The following SLC14A2 variants were observed in gnomAD, a reference collection of about 807,000 sequenced individuals.
SLC14A2 encodes urea transporter 2.
SLC14A2 carries 91 observed loss-of-function variants against 104.6 expected under a neutral mutation model. The observed-to-expected ratio is 0.87, with a 90% confidence interval of 0.73 to 1.04. SLC14A2 has a LOEUF of 1.04. SLC14A2 is among the 50% of genes least tolerant of loss of function. The pLI, the probability that SLC14A2 is intolerant of heterozygous loss-of-function variation, is 0.00. For missense variants in SLC14A2, 1,189 were observed against 1,156.0 expected (o/e 1.03, Z -0.41); for synonymous variants, 476 against 466.4 (o/e 1.02, Z -0.27).
At chr18:45,677,888 A>T (rs1382251728) in intron 18 of SLC14A2, among the ~76,000 whole-genome samples, 11 of 152,176 alleles carry the variant, frequency 7.2e-5, no homozygotes, top group Admixed American at 7.2e-4. Context: ...GCATGATCAT[A>T]GTTCATTGCA....
chr18:45,240,493 T>G (rs2084302717), intron 1 of SLC14A2, among the ~76,000 whole-genome samples: 1 of 152,150 alleles, frequency 6.6e-6, no homozygotes, highest in Non-Finnish European at 1.5e-5. Flanking sequence ...TTTAGTTTTC[T>G]GAGAAACCTC....
intron 1 of SLC14A2, among the ~76,000 whole-genome samples, chr18:45,421,334 C>A (rs1008091902): frequency 6.6e-6 from 1 of 151,718 alleles, no homozygotes; most frequent in Non-Finnish European, 1.5e-5. Flanking sequence ...AAATCAACAA[C>A]CCTCTTTGCA....
At chr18:45,315,807 C>T (rs1035775952) in intron 1 of SLC14A2, among the ~76,000 whole-genome samples, 2 of 152,144 alleles carry the variant, frequency 1.3e-5, no homozygotes, top group Non-Finnish European at 1.5e-5. Flanking sequence ...GCTGGTTTTC[C>T]CTAGAAGGAA....
the SLC14A2 span, among the ~76,000 whole-genome samples, chr18:45,185,239 A>G: frequency 1.3e-4 from 20 of 152,324 alleles, no homozygotes; most frequent in East Asian, 3.7e-3. Flanking sequence ...CTCAAGGGTC[A>G]AAGGATTGTT....
At chr18:45,245,211 G>A (rs912414690) in intron 1 of SLC14A2, among the ~76,000 whole-genome samples, 2 of 152,174 alleles carry the variant, frequency 1.3e-5, no homozygotes, top group Non-Finnish European at 1.5e-5. Context: ...GTGGGAAAGG[G>A]GTTTGAGGTT....
chr18:45,380,313 C>T (rs900140563), intron 1 of SLC14A2, among the ~76,000 whole-genome samples: 10 of 152,140 alleles, frequency 6.6e-5, no homozygotes, highest in African/African-American at 2.4e-4. Flanking sequence ...TATCTGTAGT[C>T]GACCCAGGTG....
chr18:45,635,443 A>G (rs2045404058), intron 5 of SLC14A2, among the ~76,000 whole-genome samples: 1 of 152,250 alleles, frequency 6.6e-6, no homozygotes, highest in African/African-American at 2.4e-5. Flanking sequence ...AAGAAAATCC[A>G]GTGTCATGGT....
chr18:45,504,356 G>A (rs1218329708), intron 2 of SLC14A2, among the ~76,000 whole-genome samples: 1 of 152,114 alleles, frequency 6.6e-6, no homozygotes, highest in Non-Finnish European at 1.5e-5. Flanking sequence ...ATCATAAACG[G>A]TTTGCTCCTG....
At chr18:45,484,862 T>C (rs1440128343) in intron 2 of SLC14A2, among the ~76,000 whole-genome samples, 1 of 152,196 alleles carries the variant, frequency 6.6e-6, no homozygotes, top group East Asian at 1.9e-4. Context: ...AAGGAGATAA[T>C]TCAAGAAAGA....
chr18:45,389,564 A>C lies in SLC14A2; in HGVS notation c.-124-93669A>C, dbSNP rs1256153951. Among the ~76,000 whole-genome samples the C allele has an allele frequency of 7.2e-5, 11 of 152,196 alleles. No individual in the cohort carries two copies. In the East Asian group the frequency reaches 2.1e-3, roughly 29 times the overall value. ...ACCAGCCTTCTTTCTTTCTTGGATTAAGTTAATAGGTTAAAAAGTGTGACA... is the reference window on the plus strand; with the variant it reads ...ACCAGCCTTCTTTCTTTCTTGGATTCAGTTAATAGGTTAAAAAGTGTGACA... On this transcript the variant is annotated intron_variant, in intron 1 of 20. Transcript: ENST00000586448.
intron 2 of SLC14A2, among the ~76,000 whole-genome samples, chr18:45,518,791 C>T (rs1598951896): frequency 6.6e-6 from 1 of 152,156 alleles, no homozygotes; most frequent in African/African-American, 2.4e-5. Context: ...AGGAGGACCT[C>T]AGGTTTTCTG....
chr18:45,528,599 C>CAT (rs1448196746), intron 2 of SLC14A2: 1 of 152,050 alleles, frequency 6.6e-6, no homozygotes, highest in African/African-American at 2.4e-5. Context: ...CACACACACA[C>CAT]ACACACACTC....
intron 1 of SLC14A2, among the ~76,000 whole-genome samples, chr18:45,370,759 G>C (rs2085714334): frequency 6.6e-6 from 1 of 152,184 alleles, no homozygotes; most frequent in South Asian, 2.1e-4. Context: ...AGTTCACAGG[G>C]AGAATGCCAG....
intron 1 of SLC14A2, among the ~76,000 whole-genome samples, chr18:45,388,485 G>C (rs186397439): frequency 2.5e-4 from 38 of 152,252 alleles, no homozygotes; most frequent in Admixed American, 6.5e-4. Context: ...GCATAGGCTG[G>C]TTGGATAGCA....
the SLC14A2 span, among the ~76,000 whole-genome samples, chr18:45,183,906 A>ATTTTTTTTT: frequency 0.014 from 898 of 62,744 alleles, 80 homozygotes; most frequent in Non-Finnish European, 0.019. Context: ...TAATTTTCTA[A>ATTTTTTTTT]TTTTTTTTTT....
At chr18:45,662,801 T>C (rs577643313) in intron 10 of SLC14A2, among the ~76,000 whole-genome samples, 20 of 152,234 alleles carry the variant, frequency 1.3e-4, no homozygotes, top group African/African-American at 4.3e-4. Flanking sequence ...CTAACTCTAG[T>C]GTGTACTGGA....
At chr18:45,305,662 GCTT>G (rs1238811117) in intron 1 of SLC14A2, among the ~76,000 whole-genome samples, 5 of 152,130 alleles carry the variant, frequency 3.3e-5, no homozygotes, top group African/African-American at 7.2e-5. Flanking sequence ...CTAGCGCACA[GCTT>G]CTTCTTTTAT....
At position 45,481,352 on chromosome 18, in the gene SLC14A2, A is replaced by T. The variant is rs764468847; in HGVS notation, c.-124-1881A>T. Among the ~76,000 whole-genome samples the T allele has an allele frequency of 2.0e-5, 3 of 152,166 alleles. No homozygotes were observed. In the South Asian group the frequency reaches 6.2e-4, roughly 32 times the overall value. On this transcript the variant is annotated intron_variant, in intron 1 of 20. Transcript: ENST00000586448. ...TCTATGTATGCCATCTACACTGGGC[A>T]TGGCTAATGAATCCTATTTTATTTC...
At chr18:45,593,890 T>G (rs1470263042) in intron 2 of SLC14A2, among the ~76,000 whole-genome samples, 1 of 152,200 alleles carries the variant, frequency 6.6e-6, no homozygotes, top group East Asian at 1.9e-4. Flanking sequence ...AAATATACAA[T>G]ACAACTCTTA....
Sources: gnomAD v4.1 joint callset for allele counts (sites outside exome capture counted in the v4.1 genomes callset) on GRCh38, gnomAD v4.1.1 for gene constraint, MANE v1.5 for transcripts, NCBI Gene and HGNC (gene_info 2026-07-23, HGNC 2026-07-21) for gene names.